The following NMNAT1 variants were observed in gnomAD, a reference collection of about 807,000 sequenced individuals.
NMNAT1 encodes the protein nicotinamide nucleotide adenylyltransferase 1.
Under a neutral mutation model 16.7 loss-of-function variants are expected in NMNAT1, and 11 were observed. The observed-to-expected ratio is 0.66, with a 90% CI of 0.41 to 1.09. The LOEUF is 1.09. Ranked by LOEUF, NMNAT1 falls within the 50% of genes least tolerant of loss-of-function variation. NMNAT1 has a pLI of 0.00. For missense variants in NMNAT1, 280 were observed against 332.3 expected, an observed-to-expected ratio of 0.84 and a Z score of 1.22; for synonymous variants, 110 against 119.8, an observed-to-expected ratio of 0.92 and a Z score of 0.53.
intron 1 of NMNAT1, among the ~76,000 whole-genome samples, chr1:9,957,365 C>T (rs1368418461): frequency 6.8e-6 from 1 of 146,960 alleles, no homozygotes; most frequent in Admixed American, 6.9e-5. Context: ...CAGTCTCACT[C>T]TGTTTCTTGC....
At chr1:9,957,649 T>C (rs1034579206) in intron 1 of NMNAT1, among the ~76,000 whole-genome samples, 1 of 152,194 alleles carries the variant, frequency 6.6e-6, no homozygotes, top group African/African-American at 2.4e-5. Context: ...AACTATTTCA[T>C]GGGAATTCTG....
chr1:9,965,825 A>C (rs1044844396), intron 1 of NMNAT1, among the ~76,000 whole-genome samples: 5 of 151,886 alleles, frequency 3.3e-5, no homozygotes, highest in African/African-American at 1.2e-4. Context: ...TGTCTCTGCA[A>C]AAGATTTAAA....
chr1:9,951,593 G>A (rs1641112427), intron 1 of NMNAT1, among the ~76,000 whole-genome samples: 1 of 152,128 alleles, frequency 6.6e-6, no homozygotes, highest in Non-Finnish European at 1.5e-5. Context: ...TCCTGCCTCA[G>A]CCTCCCAAGT....
At chr1:9,975,477 C>A in intron 2 of NMNAT1, 115 bp from the exon 3 acceptor site, 1 of 831,372 alleles carries the variant, frequency 1.2e-6, no homozygotes, top group Non-Finnish European at 1.8e-6. Flanking sequence ...GCCTGGGGAA[C>A]AGAGCAAGAC....
At chr1:9,996,049 G>C in the NMNAT1 span, among the ~76,000 whole-genome samples, 8 of 148,600 alleles carry the variant, frequency 5.4e-5, no homozygotes, top group East Asian at 1.0e-3. Flanking sequence ...CAGTGGCTCA[G>C]GCCTGTAATC....
intron 2 of NMNAT1, among the ~76,000 whole-genome samples, chr1:9,973,640 G>A (rs1316468859): frequency 4.8e-5 from 7 of 146,900 alleles, no homozygotes; most frequent in Non-Finnish European, 1.0e-4. Context: ...CCTGGGAGGC[G>A]GAGCTTGCAG....
At chr1:9,967,331 A>G (rs1458668585) in intron 1 of NMNAT1, 11 of 154,066 alleles carry the variant, frequency 7.1e-5, no homozygotes. Flanking sequence ...AACTTACTTG[A>G]TCTCCCATGC....
At position 9,949,410 on chromosome 1, in the gene NMNAT1, C is replaced by CTTTTTTTTTT. The variant is rs35755485; in HGVS notation, c.-57+5903_-57+5912dup. Among the ~76,000 whole-genome samples the CTTTTTTTTTT allele has an allele frequency of 1.7e-5, 2 of 118,110 alleles. 1 individual carries two copies. 77.5% of individuals were successfully genotyped at this position (118,110 alleles called of 152,430 possible). ...ATTTTTACTCTAAAATCTTCCACTG[C>CTTTTTTTTTT]TTTTTTTTTTTTTTTTTGAGATGGA... On this transcript the variant is annotated intron_variant, in intron 1 of 4. Transcript: ENST00000377205.
At chr1:9,961,912 G>T (rs962806328) in intron 1 of NMNAT1, among the ~76,000 whole-genome samples, 1 of 151,974 alleles carries the variant, frequency 6.6e-6, no homozygotes, top group African/African-American at 2.4e-5. Context: ...GGGATTATGG[G>T]CATGTGCCAC....
chr1:9,968,068 G>GTTTTTTTTTTTTTTT (rs1400220756), intron 1 of NMNAT1, among the ~76,000 whole-genome samples: 2 of 64,010 alleles, frequency 3.1e-5, no homozygotes, highest in South Asian at 6.2e-4. Context: ...GCCAAATGTA[G>GTTTTTTTTTTTTTTT]TTTTTTTTTT....
At chr1:9,976,044 T>G (rs1641805198) in intron 3 of NMNAT1, among the ~76,000 whole-genome samples, 1 of 152,152 alleles carries the variant, frequency 6.6e-6, no homozygotes, top group Admixed American at 6.6e-5. Flanking sequence ...GCCAGCACTT[T>G]GGGAGGCTGA....
intron 1 of NMNAT1, among the ~76,000 whole-genome samples, chr1:9,959,625 G>A (rs1278568849): frequency 6.6e-6 from 1 of 152,076 alleles, no homozygotes; most frequent in African/African-American, 2.4e-5. Context: ...AGGTTGCAGT[G>A]AGCCAAGATT....
the NMNAT1 span, among the ~76,000 whole-genome samples, chr1:9,991,898 A>C: frequency 6.8e-6 from 1 of 146,854 alleles, no homozygotes; most frequent in East Asian, 2.0e-4. Flanking sequence ...AAATAAGACG[A>C]AAAAAAAAAG....
At chr1:9,995,127 T>C in the NMNAT1 span, among the ~76,000 whole-genome samples, 1 of 151,804 alleles carries the variant, frequency 6.6e-6, no homozygotes, top group East Asian at 2.0e-4. Context: ...CTGGACACAG[T>C]GGCTTACACC....
intron 1 of NMNAT1, among the ~76,000 whole-genome samples, chr1:9,957,394 C>T (rs1051780400): frequency 2.0e-5 from 3 of 151,122 alleles, no homozygotes; most frequent in African/African-American, 7.3e-5. Context: ...GATCTTGGCT[C>T]ACTGTAACCT....
intron 1 of NMNAT1, chr1:9,967,398 T>C (rs2101681918): frequency 6.5e-6 from 1 of 154,062 alleles, no homozygotes; most frequent in Non-Finnish European, 1.5e-5. Flanking sequence ...TCTCAAGTAG[T>C]TTCATGATAA....
chr1:9,976,164 G>A (rs1641809297), intron 3 of NMNAT1, among the ~76,000 whole-genome samples: 1 of 151,880 alleles, frequency 6.6e-6, no homozygotes, highest in Non-Finnish European at 1.5e-5. Context: ...GCGCATGCCT[G>A]TAATCCCAGC....
chr1:9,994,606 A>AT, the NMNAT1 span, among the ~76,000 whole-genome samples: 2 of 52,034 alleles, frequency 3.8e-5, no homozygotes, highest in East Asian at 1.3e-3. Context: ...AATTTTTTGT[A>AT]TTTTTTGTAT....
chr1:9,961,281 C>T (rs939276620), intron 1 of NMNAT1, among the ~76,000 whole-genome samples: 1 of 152,126 alleles, frequency 6.6e-6, no homozygotes, highest in Non-Finnish European at 1.5e-5. Flanking sequence ...CAGCAGCTCC[C>T]TTGAGGACCC....
Sources: gnomAD v4.1 joint callset for allele counts (sites outside exome capture counted in the v4.1 genomes callset) on GRCh38, gnomAD v4.1.1 for gene constraint, MANE v1.5 for transcripts, NCBI Gene and HGNC (gene_info 2026-07-23, HGNC 2026-07-21) for gene names.